The following XPA variants were observed in gnomAD, a reference collection of about 807,000 sequenced individuals.
The protein encoded by XPA is XPA, DNA damage recognition and repair factor.
A neutral mutation model predicts 35.7 loss-of-function variants in XPA; 27 were observed. The ratio of observed to expected loss-of-function variants is 0.76; its 90% confidence interval spans 0.56 to 1.04. The LOEUF (loss-of-function observed/expected upper bound fraction) is 1.04. Among genes scored for constraint, XPA ranks in the 50% least tolerant of loss-of-function variants. The probability of loss-of-function intolerance (pLI) is 0.00; values close to 1 mark genes in which losing one functional copy is unlikely to be tolerated. For missense variants in XPA, 354 were observed against 342.7 expected (o/e 1.03, Z -0.26); for synonymous variants, 133 against 118.4 (o/e 1.12, Z -0.80).
chr9:97,690,695 G>A (rs1018789158), intron 2 of XPA, among the ~76,000 whole-genome samples: 8 of 152,062 alleles, frequency 5.3e-5, no homozygotes, highest in Non-Finnish European at 1.2e-4. Flanking sequence ...CCTAATTTTT[G>A]TATTTTTAGT....
intron 5 of XPA, among the ~76,000 whole-genome samples, chr9:97,684,237 T>C (rs1828635753): frequency 6.6e-6 from 1 of 152,006 alleles, no homozygotes; most frequent in South Asian, 2.1e-4. Context: ...TAGTAAATAC[T>C]GGATGTATTG....
chr9:97,671,069 C>G (rs76671447), downstream of XPA: 10 of 1,552,426 alleles, frequency 6.4e-6, no homozygotes, highest in South Asian at 6.7e-5. Flanking sequence ...TAACTACCCC[C>G]TTTTGTGTGT....
intron 5 of XPA, among the ~76,000 whole-genome samples, chr9:97,681,602 G>T (rs1352146247): frequency 1.3e-5 from 2 of 152,088 alleles, no homozygotes; most frequent in African/African-American, 2.4e-5. Context: ...GAGAAAGCTG[G>T]TATAACTAAA....
intron 5 of XPA, among the ~76,000 whole-genome samples, chr9:97,677,964 G>A (rs2131382875): frequency 6.6e-6 from 1 of 152,208 alleles, no homozygotes; most frequent in South Asian, 2.1e-4. Flanking sequence ...CAAAAAGCCA[G>A]TATAAGTAAA....
intron 5 of XPA, among the ~76,000 whole-genome samples, chr9:97,682,681 G>A (rs1160990445): frequency 6.6e-6 from 1 of 152,056 alleles, no homozygotes; most frequent in Non-Finnish European, 1.5e-5. Context: ...GACCCAAGAG[G>A]TCTAACTCTA....
intron 5 of XPA, among the ~76,000 whole-genome samples, chr9:97,677,752 C>CTTTTTT (rs58412433): frequency 6.8e-6 from 1 of 147,862 alleles, no homozygotes; most frequent in African/African-American, 2.5e-5. Context: ...TTGGGTTTTT[C>CTTTTTT]TTTTTTTTTT....
chr9:97,668,662 A>T, the XPA span, among the ~76,000 whole-genome samples: 1 of 151,758 alleles, frequency 6.6e-6, no homozygotes, highest in African/African-American at 2.4e-5. Flanking sequence ...ATGAGAAGAC[A>T]GTGTCTCTGA....
At chr9:97,694,850 A>C (rs1320466384) in intron 1 of XPA, among the ~76,000 whole-genome samples, 3 of 152,210 alleles carry the variant, frequency 2.0e-5, no homozygotes, top group Admixed American at 6.5e-5. Context: ...AGTGGAAACA[A>C]CCCAAATAGC....
chr9:97,691,335 T>C (rs957042640), intron 2 of XPA, among the ~76,000 whole-genome samples: 2 of 152,224 alleles, frequency 1.3e-5, no homozygotes, highest in Non-Finnish European at 2.9e-5. Context: ...TAAAGCTAGA[T>C]TATTTAAGGA....
intron 5 of XPA, among the ~76,000 whole-genome samples, chr9:97,683,508 T>C (rs1290346955): frequency 6.6e-6 from 1 of 152,162 alleles, no homozygotes; most frequent in African/African-American, 2.4e-5. Context: ...TAAGTAACTA[T>C]ATAAAAAGAT....
rs778315426 is a variant in XPA at position 97,697,141 on chromosome 9, G to C, written c.152C>G (p.Thr51Arg). The C allele has an allele frequency of 1.5e-5, 24 of 1,558,088 alleles. No homozygotes were observed. The highest frequency in any genetic ancestry group is 2.8e-5 in the African/African-American group (2 of 72,608). The stretch of plus-strand genomic sequence containing the variant: ...CAAACCTCCAGTAGCCGCAGCCGCC[G>C]TCGCCGAGTAGGGCCGGGCAGCCAG... ...ARLAARPYSATAAAATGGMAN... is the reference protein window; with the variant it reads ...ARLAARPYSARAAAATGGMAN... Residue 51 changes from threonine to arginine, a missense_variant, in exon 1 of 6, where the codon ACG becomes AGG. Coordinates refer to ENST00000375128, the MANE Select transcript of XPA (RefSeq NM_000380.4).
chr9:97,662,469 A>G, the XPA span, among the ~76,000 whole-genome samples: 1 of 152,208 alleles, frequency 6.6e-6, no homozygotes. Flanking sequence ...GTAAGAAGAA[A>G]TTAGAATCAG....
intron 4 of XPA, among the ~76,000 whole-genome samples, chr9:97,686,463 T>A (rs902681286): frequency 1.3e-5 from 2 of 152,246 alleles, no homozygotes; most frequent in East Asian, 1.9e-4. Flanking sequence ...TAGGTATTTA[T>A]GAAATTCTTG....
At chr9:97,684,450 C>T (rs905183214) in intron 5 of XPA, among the ~76,000 whole-genome samples, 7 of 152,198 alleles carry the variant, frequency 4.6e-5, no homozygotes, top group Non-Finnish European at 1.0e-4. Flanking sequence ...TAACTATCTA[C>T]ATAACAAGTC....
At chr9:97,669,619 C>T in the XPA span, 3 of 1,611,822 alleles carry the variant, frequency 1.9e-6, no homozygotes, top group Non-Finnish European at 1.7e-6. Context: ...TGACCGAGCA[C>T]CTAGTACGAT....
In XPA at chr9:97,687,048, T is replaced by A. The variant is rs768186570; in HGVS notation, c.555+48A>T. On this transcript the variant is annotated intron_variant, in intron 4 of 5. Coordinates refer to ENST00000375128, the MANE Select transcript of XPA (RefSeq NM_000380.4). ...CAAACCAATTATGACTAGTTTGTTA[T>A]TAAGAATTTACCAGAGTGAAAAATA... 32 of 1,568,450 alleles carry A rather than the reference T, an allele frequency of 2.0e-5. No homozygotes were observed. In the Admixed American group the frequency reaches 5.6e-4, roughly 27 times the overall value.
chr9:97,669,566 C>T, the XPA span: 2 of 1,485,308 alleles, frequency 1.3e-6, no homozygotes, highest in Admixed American at 1.7e-5. Context: ...GTCTGTAGTA[C>T]TACCTTAACT....
intron 1 of XPA, among the ~76,000 whole-genome samples, chr9:97,695,390 A>G (rs1002858651): frequency 1.3e-5 from 2 of 152,230 alleles, no homozygotes; most frequent in African/African-American, 4.8e-5. Flanking sequence ...CATTAGACTG[A>G]GTGCCTTTAC....
At chr9:97,661,109 G>C in the XPA span, 2 of 1,603,576 alleles carry the variant, frequency 1.2e-6, no homozygotes, top group South Asian at 2.2e-5. Context: ...ACTATGTATA[G>C]GCCAACTTAA....
Sources: allele counts gnomAD v4.1 joint callset (sites outside exome capture counted in the v4.1 genomes callset), GRCh38; gene constraint gnomAD v4.1.1; transcripts MANE v1.5; gene names NCBI Gene and HGNC (gene_info 2026-07-23, HGNC 2026-07-21).